The following HSD17B3 variants were observed in gnomAD, a reference collection of about 807,000 sequenced individuals.
The protein encoded by HSD17B3 is 17-beta-hydroxysteroid dehydrogenase type 3.
A neutral mutation model predicts 41.1 loss-of-function variants in HSD17B3; 29 were observed. The ratio of observed to expected loss-of-function variants is 0.71; its 90% CI spans 0.53 to 0.96. The LOEUF (loss-of-function observed/expected upper bound fraction) is 0.96. Ranked by LOEUF, HSD17B3 falls within the 40% of genes least tolerant of loss-of-function variation. The pLI, the probability that HSD17B3 is intolerant of heterozygous loss-of-function variation, is 0.00. For missense variants in HSD17B3, 323 were observed against 374.6 expected, an observed-to-expected ratio of 0.86 and a Z score of 1.14; for synonymous variants, 126 against 145.6, an observed-to-expected ratio of 0.87 and a Z score of 0.97.
At chr9:96,279,830 C>T (rs1445680571) in intron 2 of HSD17B3, among the ~76,000 whole-genome samples, 3 of 151,292 alleles carry the variant, frequency 2.0e-5, no homozygotes, top group Non-Finnish European at 4.4e-5. Flanking sequence ...AGTGCAGTGG[C>T]GCGATCTCGG....
At position 96,249,750 on chromosome 9, in the gene HSD17B3, C is replaced by T. The variant is rs766408051; in HGVS notation, c.489+1G>A. On this transcript the variant is annotated splice_donor_variant, in intron 6 of 10. Transcript: ENST00000375263. LOFTEE classifies it high-confidence loss of function. The stretch of plus-strand genomic sequence containing the variant: ...ATTTCGCACATATATTGATCACATA[C>T]CTTGACTACGGAGGTGATGTTACAA... 3 of 1,613,912 alleles carry T rather than the reference C, an allele frequency of 1.9e-6. No homozygotes were observed. Among genetic ancestry groups the T allele is most frequent in the Non-Finnish European group, 2.5e-6 (3 of 1,179,874 alleles).
chr9:96,257,071 C>T (rs1297824372), intron 2 of HSD17B3, among the ~76,000 whole-genome samples: 1 of 152,120 alleles, frequency 6.6e-6, no homozygotes, highest in Non-Finnish European at 1.5e-5. Flanking sequence ...CCTTCCGCCA[C>T]GTTTGTAAGT....
intron 2 of HSD17B3, among the ~76,000 whole-genome samples, chr9:96,292,386 G>A (rs1827191270): frequency 6.6e-6 from 1 of 152,186 alleles, no homozygotes; most frequent in Non-Finnish European, 1.5e-5. Context: ...TATTTTTTGA[G>A]ATGGAGTCTC....
intron 2 of HSD17B3, among the ~76,000 whole-genome samples, chr9:96,270,981 C>A: frequency 6.7e-6 from 1 of 148,618 alleles, no homozygotes; most frequent in Non-Finnish European, 1.5e-5. Flanking sequence ...TTGATATTAT[C>A]AAAAAGGAAA....
At chr9:96,266,635 A>C in intron 2 of HSD17B3, among the ~76,000 whole-genome samples, 1 of 152,200 alleles carries the variant, frequency 6.6e-6, no homozygotes, top group South Asian at 2.1e-4. Flanking sequence ...AACCAGCAAC[A>C]GAGTAAGCTG....
chr9:96,266,718 G>T (rs2130753412), intron 2 of HSD17B3, among the ~76,000 whole-genome samples: 1 of 152,264 alleles, frequency 6.6e-6, no homozygotes, highest in East Asian at 1.9e-4. Flanking sequence ...CTGGGAGAGA[G>T]AAGCTAGACT....
In HSD17B3 at chr9:96,302,135, G is replaced by A; in HGVS notation, c.-31C>T. 6.2e-7 allele frequency: 1 copy of A among 1,611,186 alleles called. No homozygotes were observed. Among genetic ancestry groups the A allele is most frequent in the Middle Eastern group, 1.7e-4 (1 of 6,014 alleles). On this transcript the variant is annotated 5_prime_UTR_variant, in exon 1 of 11. Transcript: ENST00000375263. Reference sequence around the variant, plus strand: ...CACTCAACAGACTGTTTCAGCCCTGGCCGTGGCTCTCTGTGTATGCCTCCT... The same window carrying A: ...CACTCAACAGACTGTTTCAGCCCTGACCGTGGCTCTCTGTGTATGCCTCCT...
chr9:96,253,941 C>T (rs1282177563), intron 3 of HSD17B3, among the ~76,000 whole-genome samples: 1 of 152,194 alleles, frequency 6.6e-6, no homozygotes, highest in Middle Eastern at 3.4e-3. Context: ...CAGCCCACAC[C>T]TCCCACACCC....
chr9:96,265,248 G>T (rs1587746547), intron 2 of HSD17B3, among the ~76,000 whole-genome samples: 1 of 152,284 alleles, frequency 6.6e-6, no homozygotes, highest in East Asian at 1.9e-4. Flanking sequence ...AGCCCACTGG[G>T]TACCTAACTC....
rs576642429 is a variant in HSD17B3 at position 96,264,414 on chromosome 9, C to A, written c.202-9471G>T. On this transcript the variant is annotated intron_variant, in intron 2 of 10. Transcript: ENST00000375263. ...ATAACTCAATCCTCTATGTCTTTGA[C>A]AAAGAAGGAGGAGGAAGAAAAAAAA... Among the ~76,000 whole-genome samples the A allele has an allele frequency of 1.3e-3, 191 of 150,554 alleles. 2 individuals are homozygous for A. Among genetic ancestry groups the A allele is most frequent in the African/African-American group, 4.3e-3 (177 of 40,920 alleles).
chr9:96,254,804 A>G, intron 3 of HSD17B3, 64 bp downstream of exon 3: 1 of 1,380,004 alleles, frequency 7.2e-7, no homozygotes, highest in South Asian at 1.2e-5. Context: ...ATCAACTGGC[A>G]TGGTGGGAGC....
intron 2 of HSD17B3, among the ~76,000 whole-genome samples, chr9:96,270,716 A>T (rs1357303424): frequency 6.6e-6 from 1 of 152,248 alleles, no homozygotes; most frequent in African/African-American, 2.4e-5. Context: ...CCTGTCTGTC[A>T]CACTGGAGGT....
At chr9:96,238,028 C>T (rs775039646) in intron 10 of HSD17B3, among the ~76,000 whole-genome samples, 4 of 151,860 alleles carry the variant, frequency 2.6e-5, no homozygotes, top group Non-Finnish European at 5.9e-5. Flanking sequence ...CCAGCTACTG[C>T]GGAGGCTGAG....
At chr9:96,295,196 G>C (rs1450764317) in intron 2 of HSD17B3, among the ~76,000 whole-genome samples, 1 of 151,676 alleles carries the variant, frequency 6.6e-6, no homozygotes, top group Non-Finnish European at 1.5e-5. Context: ...TAGTAGAGAC[G>C]GGGTTTCACT....
At chr9:96,268,489 T>C (rs923482122) in intron 2 of HSD17B3, among the ~76,000 whole-genome samples, 1 of 152,080 alleles carries the variant, frequency 6.6e-6, no homozygotes, top group African/African-American at 2.4e-5. Context: ...AATAACAAGA[T>C]GATAATGATA....
intron 1 of HSD17B3, 137 bp downstream of exon 1, chr9:96,301,814 G>A: frequency 2.2e-6 from 2 of 894,746 alleles, no homozygotes; most frequent in African/African-American, 1.7e-5. Flanking sequence ...CCGGGAAGCG[G>A]AGGTTGCAGT....
intron 2 of HSD17B3, among the ~76,000 whole-genome samples, chr9:96,275,556 G>A (rs1328922071): frequency 6.6e-6 from 1 of 151,572 alleles, no homozygotes; most frequent in Non-Finnish European, 1.5e-5. Context: ...CTGCAGCCTG[G>A]GTGACAGAGT....
intron 2 of HSD17B3, among the ~76,000 whole-genome samples, chr9:96,270,726 T>G (rs1226052674): frequency 6.6e-6 from 1 of 152,144 alleles, no homozygotes; most frequent in Non-Finnish European, 1.5e-5. Context: ...ACACTGGAGG[T>G]GGGCAGGCCA....
At chr9:96,284,063 C>CA (rs987595339) in intron 2 of HSD17B3, among the ~76,000 whole-genome samples, 59 of 150,230 alleles carry the variant, frequency 3.9e-4, no homozygotes, top group African/African-American at 1.0e-3. Context: ...ACTAAAAATA[C>CA]AAAAAAAAAT....
Sources: allele counts gnomAD v4.1 joint callset (sites outside exome capture counted in the v4.1 genomes callset), GRCh38; gene constraint gnomAD v4.1.1; transcripts MANE v1.5; gene names NCBI Gene and HGNC (gene_info 2026-07-23, HGNC 2026-07-21).